Variants in FAM110B observed in about 807,000 individuals in gnomAD.
FAM110B encodes protein FAM110B.
A neutral mutation model predicts 20.4 loss-of-function variants in FAM110B; 6 were observed. The ratio of observed to expected loss-of-function variants is 0.29; its 90% CI spans 0.16 to 0.58. FAM110B has a LOEUF of 0.58. Among genes scored for constraint, FAM110B ranks in the 20% least tolerant of loss-of-function variants. The pLI is 0.90. For synonymous variants in FAM110B, 226 were observed against 214.1 expected (o/e 1.06, Z -0.49); for missense variants, 434 against 498.2 (o/e 0.87, Z 1.23).
intron 1 of FAM110B, among the ~76,000 whole-genome samples, chr8:58,001,229 A>G (rs1314105511): frequency 6.6e-6 from 1 of 152,070 alleles, no homozygotes; most frequent in African/African-American, 2.4e-5. Context: ...TCATATAAAT[A>G]TATATTTTGT....
chr8:58,122,914 A>G (rs1485280304), intron 3 of FAM110B, among the ~76,000 whole-genome samples: 1 of 152,196 alleles, frequency 6.6e-6, no homozygotes, highest in Non-Finnish European at 1.5e-5. Flanking sequence ...AATCACATGC[A>G]GAGCTGACTT....
intron 2 of FAM110B, among the ~76,000 whole-genome samples, chr8:58,058,627 C>A (rs1805595685): frequency 6.6e-6 from 1 of 152,046 alleles, no homozygotes; most frequent in Non-Finnish European, 1.5e-5. Context: ...TAAACTATAA[C>A]TGTCATAAAT....
intron 2 of FAM110B, among the ~76,000 whole-genome samples, chr8:58,045,160 G>A (rs1460837511): frequency 1.3e-5 from 2 of 152,110 alleles, no homozygotes; most frequent in Admixed American, 6.6e-5. Flanking sequence ...GGGCTAGCAC[G>A]GGGCTTCATG....
intron 3 of FAM110B, among the ~76,000 whole-genome samples, chr8:58,081,387 G>T (rs1287359165): frequency 6.6e-6 from 1 of 151,892 alleles, no homozygotes; most frequent in Non-Finnish European, 1.5e-5. Context: ...TTATATTTTT[G>T]ATAAAGACAG....
intron 1 of FAM110B, among the ~76,000 whole-genome samples, chr8:58,004,063 A>C (rs1457071114): frequency 6.6e-6 from 1 of 152,208 alleles, no homozygotes; most frequent in Admixed American, 6.5e-5. Context: ...GGATGGTTTC[A>C]TGATGATTCA....
intron 2 of FAM110B, among the ~76,000 whole-genome samples, chr8:58,048,261 C>A (rs1489802085): frequency 6.6e-6 from 1 of 152,168 alleles, no homozygotes; most frequent in Non-Finnish European, 1.5e-5. Context: ...ACTTTTAGTG[C>A]AGATTTGCTG....
chr8:58,101,774 G>A (rs1480807695), intron 3 of FAM110B, among the ~76,000 whole-genome samples: 1 of 152,062 alleles, frequency 6.6e-6, no homozygotes, highest in African/African-American at 2.4e-5. Context: ...AGTCATGATT[G>A]CAAATGACAG....
intron 3 of FAM110B, among the ~76,000 whole-genome samples, chr8:58,118,663 C>G (rs150431882): frequency 6.6e-6 from 1 of 152,116 alleles, no homozygotes; most frequent in Non-Finnish European, 1.5e-5. Context: ...AGCAGCAGCA[C>G]CTTGTAGCAG....
intron 3 of FAM110B, among the ~76,000 whole-genome samples, chr8:58,133,469 G>T (rs58240367): frequency 0.059 from 9,022 of 152,222 alleles, 916 homozygotes; most frequent in African/African-American, 0.21. Flanking sequence ...AGGAGGGTCA[G>T]TACCACCACT....
chr8:58,010,778 A>G (rs945426952), intron 1 of FAM110B, among the ~76,000 whole-genome samples: 4 of 152,256 alleles, frequency 2.6e-5, no homozygotes, highest in Admixed American at 1.3e-4. Context: ...AACTCCTGCC[A>G]TAAAGAATGG....
chr8:58,047,625 T>TCTCC (rs1196533772), intron 2 of FAM110B, among the ~76,000 whole-genome samples: 2 of 150,188 alleles, frequency 1.3e-5, no homozygotes, highest in Non-Finnish European at 3.0e-5. Flanking sequence ...TCTCTCTCTC[T>TCTCC]CTCTCTCTCT....
At position 58,005,936 on chromosome 8, in the gene FAM110B, T is replaced by C. The variant is rs148110332; in HGVS notation, c.-512+11130T>C. Among the ~76,000 whole-genome samples the C allele has an allele frequency of 5.4e-3, 823 of 152,364 alleles. 8 individuals are homozygous for C. The highest frequency in any genetic ancestry group is 0.018 in the African/African-American group (758 of 41,580). ...TTGATTTGATGGTAACTACCATTTA[T>C]TGCCTAACGTGGTGATATCAGGAAG... On this transcript the variant is annotated intron_variant, in intron 1 of 3. Transcript: ENST00000519262.
At chr8:58,001,564 G>A (rs184323521) in intron 1 of FAM110B, among the ~76,000 whole-genome samples, 7 of 152,184 alleles carry the variant, frequency 4.6e-5, no homozygotes, top group Admixed American at 3.9e-4. Context: ...TTACAAGATC[G>A]AACTGTTTTG....
intron 3 of FAM110B, among the ~76,000 whole-genome samples, chr8:58,129,784 C>T (rs1803405732): frequency 6.6e-6 from 1 of 152,224 alleles, no homozygotes; most frequent in South Asian, 2.1e-4. Context: ...TGCCCCGCAT[C>T]CTGCTCCTTC....
intron 2 of FAM110B, among the ~76,000 whole-genome samples, chr8:58,063,250 A>G (rs1805691903): frequency 6.6e-6 from 1 of 152,156 alleles, no homozygotes; most frequent in Non-Finnish European, 1.5e-5. Context: ...TGGAAGTGGG[A>G]AAAAAATACA....
chr8:57,995,893 C>T (rs530277794), intron 1 of FAM110B, among the ~76,000 whole-genome samples: 3 of 152,338 alleles, frequency 2.0e-5, no homozygotes, highest in African/African-American at 4.8e-5. Context: ...CGTAACTGGT[C>T]TATTTCTCAA....
intron 2 of FAM110B, among the ~76,000 whole-genome samples, chr8:58,046,648 G>T (rs1805324900): frequency 6.6e-6 from 1 of 152,176 alleles, no homozygotes; most frequent in African/African-American, 2.4e-5. Context: ...CTTAGAGCAG[G>T]AATCTAAGAA....
chr8:58,058,843 T>C (rs1805599959), intron 2 of FAM110B, among the ~76,000 whole-genome samples: 1 of 152,214 alleles, frequency 6.6e-6, no homozygotes, highest in Non-Finnish European at 1.5e-5. Context: ...AATTTGTCAA[T>C]CTTAAGTGTA....
intron 3 of FAM110B, among the ~76,000 whole-genome samples, chr8:58,103,773 C>T (rs990776114): frequency 1.3e-5 from 2 of 152,092 alleles, no homozygotes; most frequent in Non-Finnish European, 2.9e-5. Context: ...TCTAGAAGGC[C>T]CCTTCTCCTC....
Sources: allele counts gnomAD v4.1 joint callset (sites outside exome capture counted in the v4.1 genomes callset), GRCh38; gene constraint gnomAD v4.1.1; transcripts MANE v1.5; gene names NCBI Gene and HGNC (gene_info 2026-07-23, HGNC 2026-07-21).